SLC34A2: variants seen among roughly 807,000 people sequenced by gnomAD.
SLC34A2 encodes sodium-dependent phosphate transport protein 2B.
A neutral mutation model predicts 50.8 loss-of-function variants in SLC34A2; 41 were observed. The ratio of observed to expected loss-of-function variants is 0.81; its 90% CI spans 0.63 to 1.05. The LOEUF (loss-of-function observed/expected upper bound fraction) is 1.05. SLC34A2 is among the 50% of genes least tolerant of loss of function. The pLI is 0.00. For synonymous variants in SLC34A2, 401 were observed against 364.2 expected (o/e 1.10, Z -1.15); for missense variants, 879 against 876.7 (o/e 1.00, Z -0.03).
chr4:25,676,491 CGTCGTCTCCAA>C lies in SLC34A2; in HGVS notation c.1818_1828del (p.Val607HisfsTer24). 1 of 1,614,142 alleles carries C rather than the reference CGTCGTCTCCAA, an allele frequency of 6.2e-7. No homozygotes were observed. Among genetic ancestry groups the C allele is most frequent in the South Asian group, 1.1e-5 (1 of 91,084 alleles). ...TGCGCTCGCTGAAGCCCTGGGATGC[CGTCGTCTCCAA>C]GTTCACCGGCTGCTTCCAGATGCGC... On this transcript the variant is annotated frameshift_variant, in exon 13 of 13. Transcript: ENST00000382051. LOFTEE classifies it low-confidence loss of function (END_TRUNC).
intron 1 of SLC34A2, among the ~76,000 whole-genome samples, chr4:25,662,018 G>A (rs532051632): frequency 2.6e-5 from 4 of 152,128 alleles, no homozygotes; most frequent in East Asian, 3.9e-4. Flanking sequence ...GACTATAGGC[G>A]TGTGCCACCA....
In SLC34A2 at chr4:25,674,378, C is replaced by T; in HGVS notation, c.1299C>T (p.Ser433=). The change falls in exon 11 of 13, where the codon AGC becomes AGT. Residue 433 remains serine (S), a synonymous_variant. Coordinates refer to ENST00000382051, the MANE Select transcript of SLC34A2 (RefSeq NM_006424.3). ...GAGMTFIVQS[S]SVFTSALTPL... ...GCATGACCTTCATCGTACAGAGCAG[C>T]TCTGTGTTCACGTCGGCCTTGACCC... is the stretch of plus-strand genomic sequence containing the variant. 1 of 1,614,228 alleles carries T rather than the reference C, an allele frequency of 6.2e-7. No homozygotes were observed. The highest frequency in any genetic ancestry group is 8.5e-7 in the Non-Finnish European group (1 of 1,180,034).
chr4:25,659,469 G>C (rs928686565), intron 1 of SLC34A2, among the ~76,000 whole-genome samples: 4 of 151,816 alleles, frequency 2.6e-5, no homozygotes, highest in African/African-American at 9.7e-5. Context: ...GCCATTTACT[G>C]TTCATGACAC....
chr4:25,671,680 G>A lies in SLC34A2; in HGVS notation c.1007G>A (p.Trp336Ter). ...TGTTGGACGGATGGCATCCAAAACT[G>A]GACCATGAAGAATGTGACCTACAAG... ...SLCWTDGIQNWTMKNVTYKEN... is the reference protein window; with the variant it reads ...SLCWTDGIQN Residue 336 changes from tryptophan (W) to a stop codon, truncating the protein, a stop_gained, in exon 9 of 13, where the codon TGG becomes TAG. Transcript: ENST00000382051. LOFTEE classifies it high-confidence loss of function. 1 of 1,614,206 alleles carries A rather than the reference G, an allele frequency of 6.2e-7. No individual in the cohort carries two copies. The highest frequency in any genetic ancestry group is 8.5e-7 in the Non-Finnish European group (1 of 1,180,044).
At chr4:25,665,208 C>T (rs1005059162) in intron 4 of SLC34A2, 3 of 180,736 alleles carry the variant, frequency 1.7e-5, no homozygotes, top group Admixed American at 1.3e-4. Flanking sequence ...CTCTTGTTGC[C>T]CGGGCTGGAG....
intron 12 of SLC34A2, 135 bp downstream of exon 12, chr4:25,674,764 C>T (rs1440737295): frequency 2.8e-5 from 33 of 1,168,232 alleles, no homozygotes; most frequent in East Asian, 1.4e-4. Flanking sequence ...GGGGAAGCCA[C>T]GGGTAAAGTT....
At chr4:25,669,876 A>G in intron 7 of SLC34A2, 34 bp downstream of exon 7, 1 of 1,562,922 alleles carries the variant, frequency 6.4e-7, no homozygotes, top group Non-Finnish European at 8.8e-7. Context: ...GAAGGAGACT[A>G]ACTTCCTACC....
At chr4:25,661,307 T>C (rs1714169918) in intron 1 of SLC34A2, among the ~76,000 whole-genome samples, 1 of 152,170 alleles carries the variant, frequency 6.6e-6, no homozygotes, top group Admixed American at 6.5e-5. Flanking sequence ...CACTGCTGGA[T>C]TTTAAAACCA....
intron 12 of SLC34A2, among the ~76,000 whole-genome samples, chr4:25,675,809 G>A (rs1715076938): frequency 6.6e-6 from 1 of 152,244 alleles, no homozygotes; most frequent in African/African-American, 2.4e-5. Flanking sequence ...CTCCCAGGAT[G>A]TGAATTTCCA....
chr4:25,657,615 G>A (rs1033641560), intron 1 of SLC34A2, among the ~76,000 whole-genome samples: 1 of 152,156 alleles, frequency 6.6e-6, no homozygotes, highest in African/African-American at 2.4e-5. Flanking sequence ...GTGAGGGTGT[G>A]GTTTGGTGAT....
At position 25,666,379 on chromosome 4, in the gene SLC34A2, C is replaced by A. The variant is rs1430955687; in HGVS notation, c.523+108C>A. 7.1e-6 allele frequency: 9 copies of A among 1,273,826 alleles called. No individual in the cohort carries two copies. The East Asian group carries it at 2.1e-4, about 30-fold the overall frequency. 78.9% of individuals were successfully genotyped at this position (1,273,826 alleles called of 1,614,324 possible). A position where few individuals can be genotyped will look rare whatever the true frequency, so the allele number is the denominator to read the frequency against. ...CACTCTGAATATGTCCAGGCCTTGC[C>A]ACCATTGTCTTGGTATCTTGCCCCA... is the stretch of plus-strand genomic sequence containing the variant. On this transcript the variant is annotated intron_variant, in intron 5 of 12. Transcript: ENST00000382051.
At chr4:25,663,038 G>C (rs150791895) in intron 3 of SLC34A2, among the ~76,000 whole-genome samples, 196 bp downstream of exon 3, 9 of 151,764 alleles carry the variant, frequency 5.9e-5, no homozygotes, top group African/African-American at 2.2e-4. Flanking sequence ...GCAGTGGTGC[G>C]ATATTGGCTC....
At position 25,676,535 on chromosome 4, in the gene SLC34A2, G is replaced by A. The variant is rs991877151; in HGVS notation, c.1859G>A (p.Cys620Tyr). ...FTGCFQMRCC[C>Y]CCRVCCRACC... ...GGCTGCTTCCAGATGCGCTGCTGCT[G>A]CTGCTGCCGCGTGTGCTGCCGCGCG... Residue 620 changes from cysteine (C) to tyrosine (Y), a missense_variant, in exon 13 of 13, where the codon TGC (cysteine) becomes TAC (tyrosine). Transcript: ENST00000382051. 6.2e-7 allele frequency: 1 copy of A among 1,613,790 alleles called. No individual in the cohort carries two copies. Among genetic ancestry groups the A allele is most frequent in the African/African-American group, 1.3e-5 (1 of 75,064 alleles).
At chr4:25,667,158 C>G (rs569089042) in intron 5 of SLC34A2, 1 of 152,386 alleles carries the variant, frequency 6.6e-6, no homozygotes, top group African/African-American at 2.4e-5. Flanking sequence ...CAGCAATATG[C>G]TGATTTTGTT....
chr4:25,666,415 G>T (rs2109053195), intron 5 of SLC34A2, 144 bp downstream of exon 5: 1 of 941,236 alleles, frequency 1.1e-6, no homozygotes, highest in Non-Finnish European at 1.6e-6. Flanking sequence ...GCTACAATGT[G>T]TTTCCCTCTT....
chr4:25,670,646 C>T, intron 7 of SLC34A2, 92 bp from the exon 8 acceptor site: 1 of 924,964 alleles, frequency 1.1e-6, no homozygotes. Flanking sequence ...ACATTTATCT[C>T]CTTAGAGCCC....
intron 8 of SLC34A2, 22 bp downstream of exon 8, chr4:25,670,855 CGGGGCGGGG>C: frequency 6.3e-7 from 1 of 1,579,820 alleles, no homozygotes; most frequent in Non-Finnish European, 8.7e-7. Flanking sequence ...AGAATATTCC[CGGGGCGGGG>C]AGTGAACCTT....
chr4:25,659,773 A>G (rs982356638), intron 1 of SLC34A2, among the ~76,000 whole-genome samples: 2 of 152,178 alleles, frequency 1.3e-5, no homozygotes, highest in African/African-American at 4.8e-5. Flanking sequence ...GCCTCTCTCC[A>G]GGTATCACTG....
At position 25,664,419 on chromosome 4, in the gene SLC34A2, C is replaced by T. The variant is rs141121255; in HGVS notation, c.379+89C>T. On this transcript the variant is annotated intron_variant, in intron 4 of 12. Transcript: ENST00000382051. The stretch of plus-strand genomic sequence containing the variant: ...GTAAAACTCAGCAAGCCCTCTCCAG[C>T]TGCAGCCTCCTGGAGTGTTTTAGGA... The T allele has an allele frequency of 4.5e-4, 630 of 1,398,350 alleles. 2 individuals carry two copies. The African/African-American group carries it at 6.7e-3, about 15-fold the overall frequency. The allele number at this position is 1,398,350 out of a possible 1,614,324, so 86.6% of individuals were successfully genotyped here.
Sources: allele counts gnomAD v4.1 joint callset (sites outside exome capture counted in the v4.1 genomes callset), GRCh38; gene constraint gnomAD v4.1.1; transcripts MANE v1.5; gene names NCBI Gene and HGNC (gene_info 2026-07-23, HGNC 2026-07-21).